Variants in ZNF620 observed in about 807,000 individuals in gnomAD.
The protein encoded by ZNF620 is zinc finger protein 620.
A neutral mutation model predicts 13.3 loss-of-function variants in ZNF620; 10 were observed. That is an observed-to-expected ratio of 0.75 (90% CI 0.46 to 1.28). The LOEUF is 1.28. ZNF620 is among the 50% of genes most tolerant of loss of function. The probability of loss-of-function intolerance (pLI) is 0.00; values close to 1 mark genes in which losing one functional copy is unlikely to be tolerated. For synonymous variants in ZNF620, 166 were observed against 177.6 expected (o/e 0.93, Z 0.52); for missense variants, 461 against 500.2 (o/e 0.92, Z 0.75).
At chr3:40,515,775 A>C in intron 4 of ZNF620, 85 bp from the exon 5 acceptor site, 2 of 1,382,494 alleles carry the variant, frequency 1.4e-6, no homozygotes, top group Non-Finnish European at 1.9e-6. Context: ...TCTTCAGCAC[A>C]GATATTGTGT....
intron 3 of ZNF620, among the ~76,000 whole-genome samples, 183 bp downstream of exon 3, chr3:40,511,779 T>C (rs1198230205): frequency 6.6e-6 from 1 of 152,056 alleles, no homozygotes; most frequent in Non-Finnish European, 1.5e-5. Flanking sequence ...CCTCCCAGGT[T>C]CAAGCGATTC....
At chr3:40,513,302 TAA>T (rs1212657603) in intron 4 of ZNF620, among the ~76,000 whole-genome samples, 97 of 37,948 alleles carry the variant, frequency 2.6e-3, no homozygotes, top group South Asian at 0.011. Flanking sequence ...CCGTCTCAAC[TAA>T]AAAAAAAAAA....
chr3:40,508,866 C>A (rs1698113190), intron 2 of ZNF620: 1 of 447,846 alleles, frequency 2.2e-6, no homozygotes, highest in African/African-American at 2.0e-5. Context: ...CATCCTCCCG[C>A]CTCCACCTCC....
At chr3:40,509,178 A>T (rs182782467) in intron 2 of ZNF620, among the ~76,000 whole-genome samples, 16 of 151,962 alleles carry the variant, frequency 1.1e-4, no homozygotes, top group African/African-American at 3.1e-4. Flanking sequence ...TTGTTTTGTA[A>T]TGGTCCCATC....
At chr3:40,513,316 A>AAAAAACATATATAT (rs1193351404) in intron 4 of ZNF620, among the ~76,000 whole-genome samples, 4 of 62,684 alleles carry the variant, frequency 6.4e-5, no homozygotes, top group African/African-American at 2.6e-4. Flanking sequence ...AAAAAAAAAA[A>AAAAAACATATATAT]ATATATATAT....
chr3:40,506,497 T>TGA, intron 2 of ZNF620, 121 bp downstream of exon 2: 2 of 1,146,354 alleles, frequency 1.7e-6, no homozygotes, highest in South Asian at 2.7e-5. Flanking sequence ...TCTGTCACTA[T>TGA]GAGAGGGATG....
chr3:40,516,361 A>C lies in ZNF620; in HGVS notation c.767A>C (p.Glu256Ala). The C allele has an allele frequency of 6.2e-7, 1 of 1,614,250 alleles. No homozygotes were observed. The highest frequency in any genetic ancestry group is 2.2e-5 in the East Asian group (1 of 44,890). Residue 256 changes from glutamate to alanine, a missense_variant, in exon 5 of 5, where the codon GAA becomes GCA. Physicochemically the swap from Glu to Ala is moderately radical, Grantham distance 107. Transcript: ENST00000314529. ...HTGKKPFKCK[E>A]CGKGLSSDTA... ...GGAAAGAAACCATTTAAATGTAAAG[A>C]ATGTGGAAAAGGTTTAAGTTCAGAC...
At chr3:40,512,636 C>A in intron 4 of ZNF620, 121 bp downstream of exon 4, 1 of 716,456 alleles carries the variant, frequency 1.4e-6, no homozygotes, top group Non-Finnish European at 2.3e-6. Flanking sequence ...GGAATCATTA[C>A]ATGTGATTCT....
chr3:40,515,850 T>C lies in ZNF620; in HGVS notation c.266-10T>C. On this transcript the variant is annotated splice_polypyrimidine_tract_variant and intron_variant, in intron 4 of 4. Coordinates refer to ENST00000314529, the MANE Select transcript of ZNF620 (RefSeq NM_175888.4). Reference sequence around the variant, plus strand: ...CAGGGACTGACATTTGTATTTTCTTTTTGTGATAGGGGATGAGGCCAGAAC... The same window carrying C: ...CAGGGACTGACATTTGTATTTTCTTCTTGTGATAGGGGATGAGGCCAGAAC... The C allele has an allele frequency of 6.3e-7, 1 of 1,590,142 alleles. No individual in the cohort carries two copies. The highest frequency in any genetic ancestry group is 1.7e-4 in the Middle Eastern group (1 of 5,924).
chr3:40,516,055 C>T lies in ZNF620; in HGVS notation c.461C>T (p.Thr154Ile), dbSNP rs551473209. The T allele has an allele frequency of 4.0e-5, 64 of 1,614,108 alleles. No individual in the cohort carries two copies. The South Asian group carries it at 5.1e-4, about 13-fold the overall frequency. Residue 154 changes from threonine to isoleucine, a missense_variant, in exon 5 of 5, where the codon ACC becomes ATC. Thr to Ile is a moderately conservative substitution (Grantham distance 89). Transcript: ENST00000314529. ...TKSKRRHFTD[T>I]SARHHEAYEV... ...TCAAAGAGGAGACATTTCACAGATACCTCAGCCAGGCACCATGAGGCCTAT... is the reference window on the plus strand; with the variant it reads ...TCAAAGAGGAGACATTTCACAGATATCTCAGCCAGGCACCATGAGGCCTAT...
At chr3:40,508,735 G>C (rs1036150729) in intron 2 of ZNF620, 6 of 455,968 alleles carry the variant, frequency 1.3e-5, no homozygotes, top group Admixed American at 9.4e-5. Context: ...CCAGGCCTAA[G>C]TGATCCTCCC....
At chr3:40,506,438 C>T (rs1385951918) in intron 2 of ZNF620, 62 bp downstream of exon 2, 7 of 1,568,710 alleles carry the variant, frequency 4.5e-6, no homozygotes, top group East Asian at 2.3e-5. Flanking sequence ...CAGGTGTCAC[C>T]TCTGCATTCA....
At chr3:40,506,475 T>C in intron 2 of ZNF620, 99 bp downstream of exon 2, 1 of 1,271,770 alleles carries the variant, frequency 7.9e-7, no homozygotes, top group Non-Finnish European at 1.1e-6. Flanking sequence ...GGCCAGTGGC[T>C]TCCATTGTGC....
At position 40,516,463 on chromosome 3, in the gene ZNF620, G is replaced by C. The variant is rs762290193; in HGVS notation, c.869G>C (p.Ser290Thr). Residue 290 changes from serine (S) to threonine (T), a missense_variant, in exon 5 of 5, where the codon AGT (serine) becomes ACT (threonine). Ser to Thr is a moderately conservative substitution (Grantham distance 58). Transcript: ENST00000314529. ...TGTAAGGAGTGCGGCAAGGCCTTCA[G>C]TAGCAGCTCTGTCTTCCTCCAGCAC... ...YECKECGKAF[S>T]SSSVFLQHQR... is the part of the protein sequence containing the mutation. 11 of 1,613,854 alleles carry C rather than the reference G, an allele frequency of 6.8e-6. No homozygotes were observed. The Admixed American group carries it at 1.8e-4, about 27-fold the overall frequency.
chr3:40,509,822 G>A (rs1698139654), intron 2 of ZNF620, among the ~76,000 whole-genome samples: 1 of 152,122 alleles, frequency 6.6e-6, no homozygotes, highest in Admixed American at 6.5e-5. Flanking sequence ...TTCCTGTGTT[G>A]CAGCCTGGAA....
At position 40,518,699 on chromosome 3, in the gene ZNF620, T is replaced by C. The variant is rs6768538; in HGVS notation, c.*1836T>C. On this transcript the variant is annotated 3_prime_UTR_variant, in exon 5 of 5. Coordinates refer to ENST00000314529, the MANE Select transcript of ZNF620 (RefSeq NM_175888.4). Reference sequence around the variant, plus strand: ...TCATGCCACTGCACTCCAGTCTGGGTGACAGATTGAGACTCCGTCTCAAAA... The same window carrying C: ...TCATGCCACTGCACTCCAGTCTGGGCGACAGATTGAGACTCCGTCTCAAAA... 76,717 of 148,582 alleles carry C rather than the reference T, an allele frequency of 0.52. 21,880 individuals are homozygous for C. The highest frequency in any genetic ancestry group is 0.77 in the African/African-American group (31,009 of 40,388). The allele number at this position is 148,582 out of a possible 1,614,324, so 9.2% of individuals were successfully genotyped here. A position where few individuals can be genotyped will look rare whatever the true frequency, so the allele number is the denominator to read the frequency against.
intron 2 of ZNF620, chr3:40,508,831 T>C (rs1025667750): frequency 2.2e-6 from 1 of 455,744 alleles, no homozygotes; most frequent in African/African-American, 2.0e-5. Flanking sequence ...TTGCCTAGGC[T>C]CTTCTCAAAC....
intron 1 of ZNF620, 60 bp downstream of exon 1, chr3:40,506,198 G>A: frequency 1.1e-6 from 1 of 923,582 alleles, no homozygotes. Context: ...TTTGCTTTTT[G>A]GGGTGAGGAG....
chr3:40,506,227 GCC>G, intron 1 of ZNF620, 75 bp from the exon 2 acceptor site: 1 of 1,250,428 alleles, frequency 8.0e-7, no homozygotes. Context: ...AAGGAGAGGG[GCC>G]CAAGTAGCAC....
Sources: allele counts gnomAD v4.1 joint callset (sites outside exome capture counted in the v4.1 genomes callset), GRCh38; gene constraint gnomAD v4.1.1; transcripts MANE v1.5; gene names NCBI Gene and HGNC (gene_info 2026-07-23, HGNC 2026-07-21).